The following BDNF variants were observed in gnomAD, a reference collection of about 807,000 sequenced individuals.
The protein encoded by BDNF is neurotrophic factor BDNF precursor form.
In BDNF, 1 loss-of-function variant was observed where a neutral mutation model predicts 19.5. That is an observed-to-expected ratio of 0.05 (90% CI 0.02 to 0.24). The LOEUF is 0.24. Among genes scored for constraint, BDNF ranks in the 10% least tolerant of loss-of-function variants. The probability of loss-of-function intolerance (pLI) is 1.00; values close to 1 mark genes in which losing one functional copy is unlikely to be tolerated. For missense variants in BDNF, 195 were observed against 317.6 expected, an observed-to-expected ratio of 0.61 and a Z score of 2.93; for synonymous variants, 100 against 121.6, an observed-to-expected ratio of 0.82 and a Z score of 1.17.
intron 1 of BDNF, among the ~76,000 whole-genome samples, chr11:27,671,488 CTT>C (rs950555066): frequency 3.3e-5 from 5 of 151,994 alleles, no homozygotes; most frequent in African/African-American, 7.3e-5. Flanking sequence ...AATACACAGA[CTT>C]TTGAATTTAT....
At chr11:27,659,661 G>C (rs907445620) in intron 1 of BDNF, 7 of 985,378 alleles carry the variant, frequency 7.1e-6, no homozygotes, top group African/African-American at 1.8e-5. Flanking sequence ...GCGCGCGCGT[G>C]TGCGCGCGCT....
chr11:27,703,443 GA>G (rs571173750), upstream of BDNF, among the ~76,000 whole-genome samples: 2 of 152,084 alleles, frequency 1.3e-5, no homozygotes, highest in Non-Finnish European at 2.9e-5. Flanking sequence ...TTTCCTTCCT[GA>G]AAAAATACCT....
At chr11:27,662,422 C>A (rs2133819325) in intron 1 of BDNF, among the ~76,000 whole-genome samples, 1 of 152,246 alleles carries the variant, frequency 6.6e-6, no homozygotes, top group East Asian at 1.9e-4. Context: ...CGTAAGAAGC[C>A]TTTTCATTTG....
intron 1 of BDNF, among the ~76,000 whole-genome samples, chr11:27,672,426 G>C (rs1278719725): frequency 1.3e-5 from 2 of 152,170 alleles, no homozygotes; most frequent in South Asian, 2.1e-4. Context: ...GATGTCTCTG[G>C]TCCTTGTGAG....
At chr11:27,720,579 C>T (rs1338409771) in intron 1 of BDNF, 11 of 985,712 alleles carry the variant, frequency 1.1e-5, no homozygotes, top group African/African-American at 3.5e-5. Context: ...GTGAGCCGAA[C>T]CTCAGAAAAG....
At chr11:27,686,241 T>G (rs1229805672) in intron 1 of BDNF, among the ~76,000 whole-genome samples, 2 of 152,166 alleles carry the variant, frequency 1.3e-5, no homozygotes, top group East Asian at 3.8e-4. Flanking sequence ...TTGCTTTCCA[T>G]TTGCTTGGTA....
intron 1 of BDNF, among the ~76,000 whole-genome samples, chr11:27,679,045 T>C (rs1856538906): frequency 6.6e-6 from 1 of 152,162 alleles, no homozygotes; most frequent in South Asian, 2.1e-4. Flanking sequence ...GGAAACTAGT[T>C]ACTTGGAACT....
At chr11:27,717,772 C>A (rs1192291639) in intron 1 of BDNF, among the ~76,000 whole-genome samples, 2 of 152,076 alleles carry the variant, frequency 1.3e-5, no homozygotes, top group Non-Finnish European at 2.9e-5. Flanking sequence ...TGTAAATACA[C>A]ATAAACAGTG....
chr11:27,696,147 A>G (rs1858966698), intron 1 of BDNF, among the ~76,000 whole-genome samples: 1 of 152,194 alleles, frequency 6.6e-6, no homozygotes, highest in Non-Finnish European at 1.5e-5. Flanking sequence ...TATTCTGGAA[A>G]TCCAGTGAGG....
upstream of BDNF, chr11:27,701,486 A>G (rs1431798094): frequency 4.0e-6 from 4 of 989,496 alleles, no homozygotes; most frequent in East Asian, 4.4e-4. Flanking sequence ...AATTATTGAT[A>G]GTGGAAATTG....
chr11:27,673,875 C>A (rs2133912357), intron 1 of BDNF, among the ~76,000 whole-genome samples: 1 of 152,070 alleles, frequency 6.6e-6, no homozygotes, highest in African/African-American at 2.4e-5. Context: ...AGATCCTATC[C>A]TCTGAAATAC....
chr11:27,685,974 G>C (rs981210892), intron 1 of BDNF, among the ~76,000 whole-genome samples: 1 of 151,626 alleles, frequency 6.6e-6, no homozygotes, highest in Non-Finnish European at 1.5e-5. Flanking sequence ...CTGTCTCGTT[G>C]ACCTAATATT....
Position 27,658,034 on chromosome 11 carries a change from C to T in BDNF, c.531G>A (p.Leu177=), listed in dbSNP as rs759249009. Residue 177 remains leucine (L), a synonymous_variant, in exon 2 of 2, where the codon CTG becomes CTA. Coordinates refer to ENST00000356660, the MANE Select transcript of BDNF (RefSeq NM_001709.5). This position sits in a 1 kb window ranked among gnomAD's most constrained non-coding sequence, Gnocchi z 5.7. ...ACTTGGTCTCGTAGAAGTATTGCTT[C>T]AGTTGGCCTTTTGATACAGGGACCT... ...LEKVPVSKGQ[L]KQYFYETKCN... 9.3e-6 allele frequency: 15 copies of T among 1,613,994 alleles called. No individual in the cohort carries two copies. The highest frequency in any genetic ancestry group is 2.7e-5 in the African/African-American group (2 of 74,888).
rs556884708 is a variant in BDNF, at chr11:27,658,698, T to C, written c.-21-113A>G. ...AGGCCATTCTGCAGGGTCAAGGTTT[T>C]TTTATGTCTTGGTGATAAACTCCAG... On this transcript the variant is annotated intron_variant, in intron 1 of 1. Transcript: ENST00000356660. This position sits in a 1 kb window ranked among gnomAD's most constrained non-coding sequence, Gnocchi z 5.7. 2.9e-5 allele frequency: 46 copies of C among 1,590,928 alleles called. 1 individual carries two copies. In the South Asian group the frequency reaches 4.7e-4, roughly 16 times the overall value.
intron 1 of BDNF, among the ~76,000 whole-genome samples, chr11:27,684,593 A>G (rs577729711): frequency 6.6e-5 from 10 of 152,308 alleles, no homozygotes; most frequent in African/African-American, 2.4e-4. Flanking sequence ...TAGTTTATTG[A>G]GAGTTTTTAG....
chr11:27,695,832 A>G (rs796322802), intron 1 of BDNF, among the ~76,000 whole-genome samples: 6 of 152,100 alleles, frequency 3.9e-5, no homozygotes, highest in African/African-American at 1.4e-4. Context: ...AGCATCTAGT[A>G]TATTTGATAA....
At chr11:27,688,704 T>C (rs10767663) in intron 1 of BDNF, among the ~76,000 whole-genome samples, 151,719 of 152,248 alleles carry the variant, frequency 1, 75,597 homozygotes, top group Middle Eastern at 1. Flanking sequence ...GAGGCAATGC[T>C]CCACCCTGCT....
chr11:27,672,463 G>C (rs1167890626), intron 1 of BDNF, among the ~76,000 whole-genome samples: 1 of 152,062 alleles, frequency 6.6e-6, no homozygotes, highest in Non-Finnish European at 1.5e-5. Flanking sequence ...TGGTGAAATA[G>C]CAACAGAGGG....
intron 1 of BDNF, among the ~76,000 whole-genome samples, chr11:27,670,667 A>C (rs977134604): frequency 1.3e-5 from 2 of 152,266 alleles, no homozygotes; most frequent in African/African-American, 4.8e-5. Flanking sequence ...AATGCTCATC[A>C]TCACTGGCCA....
Sources: gnomAD v4.1 joint callset for allele counts (sites outside exome capture counted in the v4.1 genomes callset) on GRCh38, gnomAD v4.1.1 for gene constraint, Gnocchi (gnomAD v3.1) non-coding constraint, MANE v1.5 for transcripts, NCBI Gene and HGNC (gene_info 2026-07-23, HGNC 2026-07-21) for gene names.